The following PRUNE2 variants were observed in gnomAD, a reference collection of about 807,000 sequenced individuals.
PRUNE2 encodes the protein prune homolog 2 with BCH domain, also known as protein prune homolog 2.
Under a neutral mutation model 252.0 loss-of-function variants are expected in PRUNE2, and 164 were observed. That is an observed-to-expected ratio of 0.65 (90% CI 0.57 to 0.74). The LOEUF (loss-of-function observed/expected upper bound fraction) is 0.74. Ranked by LOEUF, PRUNE2 falls within the 30% of genes least tolerant of loss-of-function variation. The pLI, the probability that PRUNE2 is intolerant of heterozygous loss-of-function variation, is 0.00. For synonymous variants in PRUNE2, 1,292 were observed against 1,350.2 expected (o/e 0.96, Z 0.94); for missense variants, 3,495 against 3,711.0 (o/e 0.94, Z 1.51).
chr9:76,783,195 G>A (rs2054611347), intron 6 of PRUNE2, among the ~76,000 whole-genome samples: 1 of 152,146 alleles, frequency 6.6e-6, no homozygotes, highest in Non-Finnish European at 1.5e-5. Context: ...CGAGTGCAAT[G>A]GCACAATTAC....
At chr9:76,833,788 TA>T (rs897426241) in intron 4 of PRUNE2, among the ~76,000 whole-genome samples, 21 of 147,800 alleles carry the variant, frequency 1.4e-4, no homozygotes, top group African/African-American at 4.0e-4. Context: ...ATAAAAAATT[TA>T]AAAAAAAATA....
At chr9:76,746,624 G>C (rs1047032145) in intron 6 of PRUNE2, among the ~76,000 whole-genome samples, 1 of 143,246 alleles carries the variant, frequency 7.0e-6, no homozygotes, top group African/African-American at 2.5e-5. Flanking sequence ...AGAATGGCGT[G>C]AACCCGGGAA....
At chr9:76,844,029 A>G (rs905966427) in intron 4 of PRUNE2, among the ~76,000 whole-genome samples, 1 of 152,248 alleles carries the variant, frequency 6.6e-6, no homozygotes, top group Non-Finnish European at 1.5e-5. Context: ...CGCCCAGCCT[A>G]CTTGATTTCT....
At chr9:76,862,169 G>C (rs56056227) in intron 1 of PRUNE2, 1 of 152,260 alleles carries the variant, frequency 6.6e-6, no homozygotes, top group South Asian at 2.1e-4. Flanking sequence ...CTGTAATCCC[G>C]GCACTTTGGG....
chr9:76,855,672 G>A (rs2060218064), intron 1 of PRUNE2, among the ~76,000 whole-genome samples: 2 of 152,132 alleles, frequency 1.3e-5, no homozygotes, highest in South Asian at 2.1e-4. Context: ...AATCCAATAT[G>A]TAACATTGCT....
chr9:76,731,262 T>C (rs1474623335), intron 6 of PRUNE2, among the ~76,000 whole-genome samples: 2 of 149,902 alleles, frequency 1.3e-5, no homozygotes, highest in South Asian at 2.1e-4. Context: ...ACACACACTA[T>C]AAACATATAT....
intron 9 of PRUNE2, among the ~76,000 whole-genome samples, chr9:76,671,333 C>A (rs566304577): frequency 4.8e-4 from 70 of 147,306 alleles, no homozygotes; most frequent in African/African-American, 1.6e-3. Context: ...TGAAATGAAG[C>A]GAGAAGGGAA....
At chr9:76,698,572 T>A (rs1046102082) in intron 9 of PRUNE2, among the ~76,000 whole-genome samples, 8 of 152,198 alleles carry the variant, frequency 5.3e-5, no homozygotes, top group Non-Finnish European at 8.8e-5. Flanking sequence ...GGGGTACAGC[T>A]TGGTCTGCCT....
rs2059909924 is a variant in PRUNE2 at position 76,850,683 on chromosome 9, G to T, written c.142-18C>A. The T allele has an allele frequency of 1.3e-6, 2 of 1,566,758 alleles. No individual in the cohort carries two copies. The highest frequency in any genetic ancestry group is 2.2e-5 in the East Asian group (1 of 44,572). On this transcript the variant is annotated intron_variant, in intron 2 of 18. Coordinates refer to ENST00000376718, the MANE Select transcript of PRUNE2 (RefSeq NM_015225.3). ...GGACTGACCTACCAAGAAAAAAGTT[G>T]ACTGAATTACTGAAAATAGCAGGAG...
intron 4 of PRUNE2, among the ~76,000 whole-genome samples, chr9:76,837,457 A>T (rs200343967): frequency 0.23 from 23,352 of 101,548 alleles, 2,327 homozygotes; most frequent in South Asian, 0.45. Flanking sequence ...TAATAATAAT[A>T]ATAATAATAA....
intron 9 of PRUNE2, 111 bp downstream of exon 9, chr9:76,703,226 C>T: frequency 1.1e-6 from 1 of 929,550 alleles, no homozygotes; most frequent in East Asian, 2.6e-5. Context: ...TCAATATAAG[C>T]AAAGCTGCTA....
At chr9:76,763,295 G>A (rs1422093228) in intron 6 of PRUNE2, among the ~76,000 whole-genome samples, 2 of 152,152 alleles carry the variant, frequency 1.3e-5, no homozygotes, top group Non-Finnish European at 2.9e-5. Context: ...ACAGAGTTAC[G>A]TGAGGTTTAA....
At chr9:76,787,770 T>G (rs1564305079) in intron 6 of PRUNE2, among the ~76,000 whole-genome samples, 2 of 152,192 alleles carry the variant, frequency 1.3e-5, no homozygotes, top group South Asian at 4.1e-4. Context: ...GATGCTTTCA[T>G]GGTCACTAGA....
intron 6 of PRUNE2, among the ~76,000 whole-genome samples, chr9:76,734,586 T>A (rs140252971): frequency 6.6e-6 from 1 of 152,294 alleles, no homozygotes; most frequent in East Asian, 1.9e-4. Context: ...GCTAGCAAAG[T>A]CCTTGGAATA....
rs557561104 is a variant in PRUNE2 at position 76,738,847 on chromosome 9, A to G, written c.757-25126T>C. The G allele has an allele frequency of 2.0e-5, 3 of 152,324 alleles. No individual in the cohort carries two copies. The East Asian group carries it at 5.8e-4, about 29-fold the overall frequency. The allele number at this position is 152,324 out of a possible 1,614,324, so 9.4% of individuals were successfully genotyped here. A position where few individuals can be genotyped will look rare whatever the true frequency, so the allele number is the denominator to read the frequency against. ...ATTAAGCACAAAAGAATTATTTGATACTTCTCATGTTTTAGAATTGAAATT... is the reference window on the plus strand; with the variant it reads ...ATTAAGCACAAAAGAATTATTTGATGCTTCTCATGTTTTAGAATTGAAATT... On this transcript the variant is annotated intron_variant, in intron 6 of 18. Coordinates refer to ENST00000376718, the MANE Select transcript of PRUNE2 (RefSeq NM_015225.3).
rs1357059323 is a variant in PRUNE2, at chr9:76,655,460, C to A, written c.8319G>T (p.Glu2773Asp). ...CTGCAGCACTGGGACTCAGCACGCCCTCTTCAAAGGGGATGTCCATTCCTA... is the reference window on the plus strand; with the variant it reads ...CTGCAGCACTGGGACTCAGCACGCCATCTTCAAAGGGGATGTCCATTCCTA... ...EDVGMDIPFEEGVLSPSAADM... is the reference protein window; with the variant it reads ...EDVGMDIPFEDGVLSPSAADM... The change falls in exon 10 of 19, where the codon GAG becomes GAT. Residue 2773 changes from glutamate (E) to aspartate (D), a missense_variant. Physicochemically the swap from Glu to Asp is conservative, Grantham distance 45. Transcript: ENST00000376718. 3 of 1,612,802 alleles carry A rather than the reference C, an allele frequency of 1.9e-6. No individual in the cohort carries two copies. In the African/African-American group the frequency reaches 4.0e-5, roughly 22 times the overall value.
intron 6 of PRUNE2, among the ~76,000 whole-genome samples, chr9:76,722,265 T>G (rs2047714385): frequency 1.3e-5 from 2 of 151,304 alleles, no homozygotes; most frequent in African/African-American, 4.9e-5. Flanking sequence ...AGACAGTGTT[T>G]CACCATGTTG....
intron 17 of PRUNE2, among the ~76,000 whole-genome samples, chr9:76,623,171 A>G (rs141928069): frequency 6.6e-6 from 1 of 152,358 alleles, no homozygotes; most frequent in African/African-American, 2.4e-5. Context: ...CATAAGCAAC[A>G]TTTAAAATAG....
At chr9:76,886,434 A>C (rs1435469655) in intron 1 of PRUNE2, among the ~76,000 whole-genome samples, 1 of 152,192 alleles carries the variant, frequency 6.6e-6, no homozygotes, top group Non-Finnish European at 1.5e-5. Flanking sequence ...TCAGGCCAGA[A>C]GCCTCATTAT....
Sources: allele counts gnomAD v4.1 joint callset (sites outside exome capture counted in the v4.1 genomes callset), GRCh38; gene constraint gnomAD v4.1.1; transcripts MANE v1.5; gene names NCBI Gene and HGNC (gene_info 2026-07-23, HGNC 2026-07-21).